The following NOL10 variants were observed in gnomAD, a reference collection of about 807,000 sequenced individuals.
NOL10 encodes the protein nucleolar protein 10, also known as H_NH0074G24.1.
Under a neutral mutation model 103.5 loss-of-function variants are expected in NOL10, and 58 were observed. The ratio of observed to expected loss-of-function variants is 0.56; its 90% CI spans 0.45 to 0.70. NOL10 has a LOEUF of 0.70. NOL10 is among the 30% of genes least tolerant of loss of function. NOL10 has a pLI of 0.00. For missense variants in NOL10, 763 were observed against 807.3 expected, an observed-to-expected ratio of 0.95 and a Z score of 0.67; for synonymous variants, 287 against 282.5, an observed-to-expected ratio of 1.02 and a Z score of -0.16.
chr2:10,673,716 T>A (rs1314937454), intron 4 of NOL10, among the ~76,000 whole-genome samples, 159 bp from the exon 5 acceptor site: 1 of 152,174 alleles, frequency 6.6e-6, no homozygotes, highest in Non-Finnish European at 1.5e-5. Context: ...TAGTATATTG[T>A]CCCAAAACAC....
intron 8 of NOL10, among the ~76,000 whole-genome samples, chr2:10,666,159 T>C (rs889633812): frequency 2.0e-5 from 3 of 152,234 alleles, no homozygotes; most frequent in African/African-American, 7.2e-5. Flanking sequence ...TGTTCCTGTC[T>C]TAATTCACTT....
intron 20 of NOL10, among the ~76,000 whole-genome samples, chr2:10,573,151 A>C (rs115739832): frequency 6.6e-6 from 1 of 151,950 alleles, no homozygotes; most frequent in Non-Finnish European, 1.5e-5. Context: ...AAAGCGGAAA[A>C]GCACCGTCTT....
intron 13 of NOL10, among the ~76,000 whole-genome samples, chr2:10,607,776 T>TATTATTATTATTA (rs1558286226): frequency 6.7e-6 from 1 of 150,100 alleles, no homozygotes; most frequent in African/African-American, 2.4e-5. Context: ...TTATTATTAT[T>TATTATTATTATTA]TTGTAGAGAT....
intron 3 of NOL10, among the ~76,000 whole-genome samples, chr2:10,680,564 T>C (rs1477995386): frequency 6.6e-6 from 1 of 152,190 alleles, no homozygotes; most frequent in Non-Finnish European, 1.5e-5. Context: ...GAAGAAAATT[T>C]GAGTTTCTTC....
intron 19 of NOL10, among the ~76,000 whole-genome samples, chr2:10,586,505 A>T (rs1441515925): frequency 2.0e-5 from 3 of 152,242 alleles, no homozygotes; most frequent in Non-Finnish European, 2.9e-5. Context: ...AAAGATACCA[A>T]GAACATTATA....
At chr2:10,685,380 C>T (rs1682082340) in intron 1 of NOL10, among the ~76,000 whole-genome samples, 1 of 150,996 alleles carries the variant, frequency 6.6e-6, no homozygotes, top group Non-Finnish European at 1.5e-5. Flanking sequence ...GTAATCCCAG[C>T]TACTCGGGAG....
chr2:10,631,379 A>G (rs2148245114), intron 13 of NOL10, among the ~76,000 whole-genome samples: 1 of 152,372 alleles, frequency 6.6e-6, no homozygotes, highest in South Asian at 2.1e-4. Context: ...TCTTTAAAAC[A>G]TACAATAAGG....
chr2:10,685,604 A>T (rs528350079), intron 1 of NOL10, among the ~76,000 whole-genome samples: 2 of 152,014 alleles, frequency 1.3e-5, no homozygotes, highest in African/African-American at 4.8e-5. Flanking sequence ...TTAACTCCAG[A>T]ATGGGAGACT....
At chr2:10,604,203 G>T (rs1002393120) in intron 14 of NOL10, among the ~76,000 whole-genome samples, 1 of 152,180 alleles carries the variant, frequency 6.6e-6, no homozygotes, top group African/African-American at 2.4e-5. Flanking sequence ...GTGTGGCCCG[G>T]TTCCTCATAG....
chr2:10,668,712 T>C lies in NOL10; in HGVS notation c.476A>G (p.Tyr159Cys). Reference protein sequence around the residue: ...LYFVGASSEVYRLNLEQGRYL... With the variant: ...LYFVGASSEVCRLNLEQGRYL... ...TCGTCCTTGTTCTAAGTTTAACCTA[T>C]AAACTTCAGAACTGTAAAGTAATAA... Residue 159 changes from tyrosine (Y) to cysteine (C), a missense_variant, in exon 7 of 21, where the codon TAT becomes TGT. Transcript: ENST00000381685. 1.3e-6 allele frequency: 2 copies of C among 1,519,688 alleles called. No individual in the cohort carries two copies. The highest frequency in any genetic ancestry group is 1.8e-6 in the Non-Finnish European group (2 of 1,115,808). 94.1% of individuals were successfully genotyped at this position (1,519,688 alleles called of 1,614,324 possible).
At position 10,589,056 on chromosome 2, in the gene NOL10, G is replaced by A; in HGVS notation, c.1831C>T (p.Gln611Ter). 1 of 1,613,870 alleles carries A rather than the reference G, an allele frequency of 6.2e-7. No individual in the cohort carries two copies. The highest frequency in any genetic ancestry group is 8.5e-7 in the Non-Finnish European group (1 of 1,179,882). The change falls in exon 19 of 21, where the codon CAG (glutamine) becomes TAG (stop). Residue 611 changes from glutamine to a stop codon, truncating the protein, a stop_gained. Coordinates refer to ENST00000381685, the MANE Select transcript of NOL10 (RefSeq NM_024894.4). LOFTEE classifies it high-confidence loss of function. ...FRSFKDSATK[Q>*]KLMNKTLEDR... ...AGTGCTACTCACTTCATCAGTTTCT[G>A]CTTTGTGGCAGAATCTTTGAAGCTT...
chr2:10,651,537 AG>A (rs1275432237), intron 12 of NOL10, among the ~76,000 whole-genome samples: 1 of 152,048 alleles, frequency 6.6e-6, no homozygotes, highest in Non-Finnish European at 1.5e-5. Context: ...CTTTTTTCGT[AG>A]AATGTCTTTT....
chr2:10,651,070 G>A (rs1025534913), intron 12 of NOL10, among the ~76,000 whole-genome samples: 2 of 152,154 alleles, frequency 1.3e-5, no homozygotes, highest in African/African-American at 2.4e-5. Context: ...TAAAGGTGGG[G>A]GAAGAGATGC....
rs1681270979 is a variant in NOL10, at chr2:10,675,853, A to G, written c.230T>C (p.Val77Ala). ...ILATGTYKPR[V>A]RCYDTYQLSL... ...TAATTGATAGGTGTCATAACATCGA[A>G]CCCGAGGTTTATATGTTCCTACAAA... The change falls in exon 4 of 21, where the codon GTT becomes GCT. Residue 77 changes from valine (V) to alanine (A), a missense_variant. Transcript: ENST00000381685. The G allele has an allele frequency of 6.3e-7, 1 of 1,574,946 alleles. No homozygotes were observed. The highest frequency in any genetic ancestry group is 2.3e-5 in the East Asian group (1 of 44,248).
intron 17 of NOL10, among the ~76,000 whole-genome samples, chr2:10,590,611 A>G (rs921597989): frequency 6.6e-6 from 1 of 152,164 alleles, no homozygotes; most frequent in Non-Finnish European, 1.5e-5. Flanking sequence ...TGTTTCATCA[A>G]TATTCCCCCT....
intron 13 of NOL10, among the ~76,000 whole-genome samples, chr2:10,633,396 A>G (rs1272696000): frequency 6.6e-6 from 1 of 151,310 alleles, no homozygotes; most frequent in Non-Finnish European, 1.5e-5. Flanking sequence ...TATGTAATAT[A>G]TAATTGATAT....
intron 12 of NOL10, among the ~76,000 whole-genome samples, chr2:10,650,630 G>A (rs1042036649): frequency 6.6e-6 from 1 of 152,004 alleles, no homozygotes; most frequent in Admixed American, 6.6e-5. Context: ...GTGATGGTGC[G>A]TATCTGTAGC....
Position 10,681,992 on chromosome 2 carries a change from C to A in NOL10, c.190G>T (p.Gly64Ter). 1 of 1,474,044 alleles carries A rather than the reference C, an allele frequency of 6.8e-7. No homozygotes were observed. The highest frequency in any genetic ancestry group is 2.5e-5 in the East Asian group (1 of 40,004). 91.3% of individuals were successfully genotyped at this position (1,474,044 alleles called of 1,614,324 possible). A position where few individuals can be genotyped will look rare whatever the true frequency, so the allele number is the denominator to read the frequency against. The change falls in exon 3 of 21, where the codon GGA becomes TGA. Residue 64 changes from glycine to a stop codon, truncating the protein, a stop_gained. Coordinates refer to ENST00000381685, the MANE Select transcript of NOL10 (RefSeq NM_024894.4). LOFTEE classifies it high-confidence loss of function. ...VCTTIKVSKD[G>*]QYILATGTYK... ...TTACCAGTTGCTAAAATGTACTGTC[C>A]ATCTTTTGACACCTTAATAGTGGTA...
At position 10,689,937 on chromosome 2, in the gene NOL10, G is replaced by A. The variant is rs557680628; in HGVS notation, c.-76C>T. The A allele has an allele frequency of 9.7e-5, 137 of 1,408,218 alleles. No individual in the cohort carries two copies. In the Middle Eastern group the frequency reaches 1.3e-3, roughly 13 times the overall value. 87.2% of individuals were successfully genotyped at this position (1,408,218 alleles called of 1,614,324 possible). ...CGAGCACCGTAATCCCGGGACCTCC[G>A]AGCCCCTGCTCCGCGGCGTGCGGCC... On this transcript the variant is annotated 5_prime_UTR_variant, in exon 1 of 21. Coordinates refer to ENST00000381685, the MANE Select transcript of NOL10 (RefSeq NM_024894.4).
Sources: allele counts gnomAD v4.1 joint callset (sites outside exome capture counted in the v4.1 genomes callset), GRCh38; gene constraint gnomAD v4.1.1; transcripts MANE v1.5; gene names NCBI Gene and HGNC (gene_info 2026-07-23, HGNC 2026-07-21).